Variants in TP63 observed in about 807,000 individuals in gnomAD.
TP63 encodes tumor protein p63.
Under a neutral mutation model 82.8 loss-of-function variants are expected in TP63, and 17 were observed. The ratio of observed to expected loss-of-function variants is 0.21; its 90% CI spans 0.14 to 0.31. The LOEUF (loss-of-function observed/expected upper bound fraction) is 0.31, where lower values mean the gene tolerates loss of function less well. Among genes scored for constraint, TP63 ranks in the 10% least tolerant of loss-of-function variants. The pLI is 1.00. For synonymous variants in TP63, 330 were observed against 321.7 expected, an observed-to-expected ratio of 1.03 and a Z score of -0.28; for missense variants, 648 against 895.3, an observed-to-expected ratio of 0.72 and a Z score of 3.52.
At chr3:189,862,867 G>A (rs1438966834) in intron 4 of TP63, among the ~76,000 whole-genome samples, 10 of 152,138 alleles carry the variant, frequency 6.6e-5, no homozygotes, top group South Asian at 4.1e-4. Flanking sequence ...CTTTTGCTGC[G>A]TCTAATCCAT....
chr3:189,606,278 T>C, the TP63 span, among the ~76,000 whole-genome samples: 1 of 151,864 alleles, frequency 6.6e-6, no homozygotes, highest in Non-Finnish European at 1.5e-5. Context: ...CCAAGAGAAA[T>C]TCACTTCCAT....
At chr3:189,702,072 A>C (rs949105572) in intron 1 of TP63, among the ~76,000 whole-genome samples, 5 of 152,144 alleles carry the variant, frequency 3.3e-5, no homozygotes, top group Admixed American at 2.6e-4. Context: ...GAGAATTCTT[A>C]ACACTAGCCC....
At chr3:189,860,058 G>A (rs1245011176) in intron 4 of TP63, among the ~76,000 whole-genome samples, 5 of 152,032 alleles carry the variant, frequency 3.3e-5, no homozygotes, top group African/African-American at 1.2e-4. Context: ...GTTGCACAAC[G>A]GTGTACATTT....
At chr3:189,682,178 C>G (rs549286924) in intron 1 of TP63, among the ~76,000 whole-genome samples, 1 of 152,088 alleles carries the variant, frequency 6.6e-6, no homozygotes, top group African/African-American at 2.4e-5. Flanking sequence ...TATCTATATT[C>G]ATATATCAGT....
At chr3:189,602,158 G>C in the TP63 span, among the ~76,000 whole-genome samples, 28 of 152,248 alleles carry the variant, frequency 1.8e-4, no homozygotes, top group African/African-American at 6.7e-4. Context: ...AGCTTTCTCA[G>C]ACGCTTCACA....
intron 3 of TP63, among the ~76,000 whole-genome samples, chr3:189,759,264 G>A (rs941513291): frequency 6.6e-6 from 1 of 152,208 alleles, no homozygotes; most frequent in African/African-American, 2.4e-5. Flanking sequence ...GGGAAAGTGA[G>A]AGTGGTGATC....
At chr3:189,700,777 A>G (rs539140794) in intron 1 of TP63, among the ~76,000 whole-genome samples, 1 of 152,240 alleles carries the variant, frequency 6.6e-6, no homozygotes, top group East Asian at 1.9e-4. Flanking sequence ...TGACTTCCCC[A>G]CTTCTGAAGT....
intron 1 of TP63, among the ~76,000 whole-genome samples, chr3:189,721,467 A>G (rs1719385664): frequency 6.6e-6 from 1 of 150,534 alleles, no homozygotes; most frequent in Admixed American, 6.6e-5. Context: ...TGGATCTATC[A>G]GGTGCTTTTT....
chr3:189,628,595 C>T (rs1260959092), upstream of TP63, among the ~76,000 whole-genome samples: 3 of 152,096 alleles, frequency 2.0e-5, no homozygotes, highest in Non-Finnish European at 4.4e-5. Context: ...ACAGGCAGGT[C>T]ATGGTCAGAA....
chr3:189,684,755 C>G (rs775518963), intron 1 of TP63, among the ~76,000 whole-genome samples: 1 of 151,538 alleles, frequency 6.6e-6, no homozygotes, highest in African/African-American at 2.4e-5. Context: ...CTCAGCCTCC[C>G]GAGTAGCTGA....
chr3:189,811,275 T>A (rs1727541102), intron 4 of TP63, among the ~76,000 whole-genome samples: 2 of 152,192 alleles, frequency 1.3e-5, no homozygotes, highest in Admixed American at 1.3e-4. Flanking sequence ...CGTAGAAAGT[T>A]TTTAGAAGGG....
intron 1 of TP63, among the ~76,000 whole-genome samples, chr3:189,707,057 T>C (rs1473776474): frequency 6.6e-6 from 1 of 152,210 alleles, no homozygotes; most frequent in African/African-American, 2.4e-5. Context: ...GCATTTTAGC[T>C]TTGCTAATTG....
At chr3:189,773,640 A>G (rs1194397038) in intron 3 of TP63, among the ~76,000 whole-genome samples, 1 of 152,188 alleles carries the variant, frequency 6.6e-6, no homozygotes, top group Admixed American at 6.5e-5. Flanking sequence ...CATAGACTAG[A>G]ATAATTTTCT....
At chr3:189,631,350 C>T (rs1234633335), upstream of TP63, 4 of 1,468,464 alleles carry the variant, frequency 2.7e-6, no homozygotes, top group African/African-American at 2.8e-5. Flanking sequence ...CGCTCCGCCT[C>T]TTTGCAAATA....
intron 3 of TP63, among the ~76,000 whole-genome samples, chr3:189,748,018 G>GC (rs1721507569): frequency 6.6e-6 from 1 of 151,878 alleles, no homozygotes; most frequent in South Asian, 2.1e-4. Context: ...ATAAATAGAA[G>GC]ACCTGAACAG....
chr3:189,891,180 A>G (rs1227816332), intron 13 of TP63, among the ~76,000 whole-genome samples: 1 of 152,182 alleles, frequency 6.6e-6, no homozygotes, highest in Non-Finnish European at 1.5e-5. Context: ...AACATTCATA[A>G]TTTCTAAAGA....
intron 10 of TP63, chr3:189,881,389 A>G (rs1472524579): frequency 7.1e-6 from 7 of 985,292 alleles, no homozygotes; most frequent in Non-Finnish European, 8.4e-6. Context: ...ACACCCAGTC[A>G]CCAGCACTGT....
chr3:189,853,621 C>T (rs1715925305), intron 4 of TP63, among the ~76,000 whole-genome samples: 1 of 152,206 alleles, frequency 6.6e-6, no homozygotes, highest in Non-Finnish European at 1.5e-5. Context: ...CACTCACTCC[C>T]CTGACTCTTG....
intron 1 of TP63, among the ~76,000 whole-genome samples, chr3:189,696,475 C>A (rs1717387255): frequency 6.6e-6 from 1 of 152,096 alleles, no homozygotes; most frequent in Admixed American, 6.6e-5. Context: ...GCTTCCAATT[C>A]TTGGTAATTA....
Sources: allele counts gnomAD v4.1 joint callset (sites outside exome capture counted in the v4.1 genomes callset), GRCh38; gene constraint gnomAD v4.1.1; transcripts MANE v1.5; gene names NCBI Gene and HGNC (gene_info 2026-07-23, HGNC 2026-07-21).